The following FHIT variants were observed in gnomAD, a reference collection of about 807,000 sequenced individuals.
FHIT encodes the protein bis(5'-adenosyl)-triphosphatase.
FHIT carries 19 observed loss-of-function variants against 17.9 expected under a neutral mutation model. The observed-to-expected ratio is 1.06, with a 90% CI of 0.74 to 1.56. The LOEUF is 1.56. Ranked by LOEUF, FHIT falls within the 40% of genes most tolerant of loss-of-function variation. The pLI, the probability that FHIT is intolerant of heterozygous loss-of-function variation, is 0.00. For synonymous variants in FHIT, 81 were observed against 69.7 expected, an observed-to-expected ratio of 1.16 and a Z score of -0.81; for missense variants, 248 against 189.2, an observed-to-expected ratio of 1.31 and a Z score of -1.82.
chr3:60,868,070 T>C lies in FHIT; in HGVS notation c.-110-46059A>G, dbSNP rs183434756. On this transcript the variant is annotated intron_variant, in intron 3 of 9. Coordinates refer to ENST00000492590, the MANE Select transcript of FHIT (RefSeq NM_002012.4). ...CTTGTTATGACATATCTGAATAGAA[T>C]TGAAGGTTTTTAAATAAAAACATAA... 2.6e-5 allele frequency among the ~76,000 whole-genome samples: 4 copies of C among 152,220 alleles called. No homozygotes were observed. The East Asian group carries it at 5.8e-4, about 22-fold the overall frequency.
At chr3:60,050,453 T>G (rs1391045817) in intron 5 of FHIT, among the ~76,000 whole-genome samples, 1 of 152,188 alleles carries the variant, frequency 6.6e-6, no homozygotes, top group African/African-American at 2.4e-5. Context: ...GAGCAGCAGA[T>G]GGTTGCCAAC....
At chr3:60,787,115 A>T (rs66481821) in intron 4 of FHIT, among the ~76,000 whole-genome samples, 3 of 152,116 alleles carry the variant, frequency 2.0e-5, no homozygotes, top group Non-Finnish European at 2.9e-5. Flanking sequence ...TCTAGCTACA[A>T]TTCCCAAGGA....
intron 4 of FHIT, among the ~76,000 whole-genome samples, chr3:60,634,438 G>A (rs2039527445): frequency 6.6e-6 from 1 of 152,222 alleles, no homozygotes; most frequent in Non-Finnish European, 1.5e-5. Flanking sequence ...AATAACTTCT[G>A]TAATATTTCT....
intron 5 of FHIT, among the ~76,000 whole-genome samples, chr3:60,221,117 T>C (rs1490843825): frequency 6.6e-6 from 1 of 152,178 alleles, no homozygotes; most frequent in African/African-American, 2.4e-5. Flanking sequence ...ACAAGAATCA[T>C]GTAACTGTGT....
intron 3 of FHIT, among the ~76,000 whole-genome samples, chr3:60,862,230 G>A (rs1703945864): frequency 6.6e-6 from 1 of 151,996 alleles, no homozygotes; most frequent in South Asian, 2.1e-4. Context: ...CCAGGCTGGA[G>A]TGCGGCAGTG....
At chr3:60,631,978 G>A (rs551961544) in intron 4 of FHIT, among the ~76,000 whole-genome samples, 118 of 152,272 alleles carry the variant, frequency 7.7e-4, no homozygotes, top group African/African-American at 2.7e-3. Flanking sequence ...AGAGATGGAC[G>A]CAAGAAACAC....
intron 4 of FHIT, among the ~76,000 whole-genome samples, chr3:60,590,518 T>C (rs782026538): frequency 2.0e-4 from 31 of 152,244 alleles, no homozygotes; most frequent in Non-Finnish European, 3.5e-4. Context: ...ATATGCACTT[T>C]CAGAAAACTG....
Position 60,569,755 on chromosome 3 carries a change from A to ATATATATATT in FHIT, c.-17-32777_-17-32776insAATATATATA. On this transcript the variant is annotated intron_variant, in intron 4 of 9. Coordinates refer to ENST00000492590, the MANE Select transcript of FHIT (RefSeq NM_002012.4). ...TATATATATATATATATATATATATATTTTTTTTTTTTTTAGACAGAGTTT... is the reference window on the plus strand; with the variant it reads ...TATATATATATATATATATATATATATATATATATTTTTTTTTTTTTTTTAGACAGAGTTT... Among the ~76,000 whole-genome samples the ATATATATATT allele has an allele frequency of 3.6e-3, 282 of 77,324 alleles. 9 individuals carry two copies. In the South Asian group the frequency reaches 0.037, roughly 10 times the overall value. The allele number at this position is 77,324 out of a possible 152,430, so 50.7% of individuals were successfully genotyped here. A position where few individuals can be genotyped will look rare whatever the true frequency, so the allele number is the denominator to read the frequency against.
chr3:60,136,333 T>C (rs916900164), intron 5 of FHIT, among the ~76,000 whole-genome samples: 2 of 152,180 alleles, frequency 1.3e-5, no homozygotes, highest in Non-Finnish European at 2.9e-5. Context: ...AAGGGCTATA[T>C]ATTCTTCTTC....
At chr3:60,428,446 C>G (rs1039315139) in intron 5 of FHIT, among the ~76,000 whole-genome samples, 1 of 152,140 alleles carries the variant, frequency 6.6e-6, no homozygotes, top group Non-Finnish European at 1.5e-5. Context: ...TCAGGGTAAA[C>G]TGAATCAATG....
At chr3:60,931,816 T>C (rs181400673) in intron 3 of FHIT, among the ~76,000 whole-genome samples, 95 of 152,350 alleles carry the variant, frequency 6.2e-4, no homozygotes, top group African/African-American at 2.2e-3. Context: ...GCAGTAGCTA[T>C]TTAAATTTCC....
chr3:60,543,907 C>CTTTTTTTTTTTTTTTTTTTTTTTTT lies in FHIT; in HGVS notation c.-17-6929_-17-6928insAAAAAAAAAAAAAAAAAAAAAAAAA, dbSNP rs71092612. ...CTACAAGCGCCCGCACCACGCCCGG[C>CTTTTTTTTTTTTTTTTTTTTTTTTT]TTTTTTTTTTTTTTTTTTTTTTTTG... On this transcript the variant is annotated intron_variant, in intron 4 of 9. Transcript: ENST00000492590. 2.3e-4 allele frequency among the ~76,000 whole-genome samples: 12 copies of CTTTTTTTTTTTTTTTTTTTTTTTTT among 52,060 alleles called. 1 individual carries two copies. The highest frequency in any genetic ancestry group is 6.5e-4 in the Admixed American group (2 of 3,060). The allele number at this position is 52,060 out of a possible 152,430, so 34.2% of individuals were successfully genotyped here.
chr3:61,080,871 T>C (rs916260593), intron 2 of FHIT, among the ~76,000 whole-genome samples: 8 of 151,344 alleles, frequency 5.3e-5, no homozygotes, highest in African/African-American at 1.7e-4. Context: ...CCAATTCACA[T>C]GCATGCCACT....
chr3:60,114,489 C>CATTTTTTTT (rs1704860358), intron 5 of FHIT, among the ~76,000 whole-genome samples: 1 of 61,604 alleles, frequency 1.6e-5, no homozygotes, highest in Non-Finnish European at 2.9e-5. Flanking sequence ...AAGAGAAATC[C>CATTTTTTTT]TTTTTTTTTT....
chr3:60,771,598 C>A (rs903939169), intron 4 of FHIT, among the ~76,000 whole-genome samples: 2 of 152,050 alleles, frequency 1.3e-5, no homozygotes, highest in Non-Finnish European at 2.9e-5. Flanking sequence ...AGTGAGACCA[C>A]TGAATACAGT....
At chr3:60,457,289 C>A (rs200689224) in intron 5 of FHIT, among the ~76,000 whole-genome samples, 1 of 152,040 alleles carries the variant, frequency 6.6e-6, no homozygotes, top group African/African-American at 2.4e-5. Context: ...TATCTACAAC[C>A]ACCTGATCTT....
At chr3:60,065,828 G>A (rs183257885) in intron 5 of FHIT, among the ~76,000 whole-genome samples, 29 of 152,170 alleles carry the variant, frequency 1.9e-4, no homozygotes, top group Non-Finnish European at 3.5e-4. Flanking sequence ...AAAATCTGCT[G>A]GGGAATACTC....
chr3:60,125,193 A>G (rs981294284), intron 5 of FHIT, among the ~76,000 whole-genome samples: 1 of 152,222 alleles, frequency 6.6e-6, no homozygotes, highest in African/African-American at 2.4e-5. Context: ...AGAGCCAGCC[A>G]GGGTCTAGAG....
chr3:60,913,813 T>G (rs1326078356), intron 3 of FHIT, among the ~76,000 whole-genome samples: 1 of 152,264 alleles, frequency 6.6e-6, no homozygotes, highest in Admixed American at 6.5e-5. Context: ...TCTCTCCATG[T>G]CTTTGTTGTT....
Sources: gnomAD v4.1 joint callset for allele counts (sites outside exome capture counted in the v4.1 genomes callset) on GRCh38, gnomAD v4.1.1 for gene constraint, MANE v1.5 for transcripts, NCBI Gene and HGNC (gene_info 2026-07-23, HGNC 2026-07-21) for gene names.